Variants in YWHAE observed in about 807,000 individuals in gnomAD.
The protein encoded by YWHAE is tyrosine 3-monooxygenase/tryptophan 5-monooxygenase activation protein epsilon.
YWHAE carries 4 observed loss-of-function variants against 30.1 expected under a neutral mutation model. That is an observed-to-expected ratio of 0.13 (90% CI 0.07 to 0.30). The LOEUF (loss-of-function observed/expected upper bound fraction) is 0.30. Among genes scored for constraint, YWHAE ranks in the 10% least tolerant of loss-of-function variants. YWHAE has a pLI of 1.00. For missense variants in YWHAE, 121 were observed against 315.9 expected (o/e 0.38, Z 4.68); for synonymous variants, 118 against 111.8 (o/e 1.06, Z -0.35).
intron 1 of YWHAE, among the ~76,000 whole-genome samples, chr17:1,377,529 G>A (rs1052957687): frequency 8.5e-5 from 13 of 152,096 alleles, no homozygotes; most frequent in African/African-American, 2.4e-4. Flanking sequence ...CAGGAAGATC[G>A]CTTGAGCCCA....
At chr17:1,354,972 T>TTTTG (rs71148472) in intron 4 of YWHAE, among the ~76,000 whole-genome samples, 1,192 of 63,374 alleles carry the variant, frequency 0.019, 14 homozygotes, top group Non-Finnish European at 0.025. Flanking sequence ...TAGTTTTTTT[T>TTTTG]TTTTTTTTTT....
At chr17:1,350,767 T>TA (rs139181426) in intron 5 of YWHAE, among the ~76,000 whole-genome samples, 45 of 148,646 alleles carry the variant, frequency 3.0e-4, no homozygotes, top group African/African-American at 7.1e-4. Flanking sequence ...ATAATAATAA[T>TA]AAAAAAAAAT....
chr17:1,382,615 C>T (rs1043079947), intron 1 of YWHAE, among the ~76,000 whole-genome samples: 7 of 152,086 alleles, frequency 4.6e-5, no homozygotes, highest in Non-Finnish European at 1.0e-4. Context: ...CCGCCTCGGC[C>T]TCCCAAAGTG....
At position 1,361,890 on chromosome 17, in the gene YWHAE, T is replaced by C. The variant is rs373673602; in HGVS notation, c.371+12A>G. On this transcript the variant is annotated intron_variant, in intron 3 of 5. Coordinates refer to ENST00000264335, the MANE Select transcript of YWHAE (RefSeq NM_006761.5). ...TTCAATCTTACATTTTCCCTTCTAG[T>C]ATAGAACCTACATTTTATAATAGAA... 10 of 1,566,060 alleles carry C rather than the reference T, an allele frequency of 6.4e-6. No individual in the cohort carries two copies. The African/African-American group carries it at 1.1e-4, about 17-fold the overall frequency.
intron 4 of YWHAE, 54 bp downstream of exon 4, chr17:1,361,038 C>T: frequency 2.0e-6 from 3 of 1,535,710 alleles, no homozygotes; most frequent in South Asian, 1.1e-5. Flanking sequence ...AAAACCCAAA[C>T]AGCGCCCCCC....
intron 1 of YWHAE, among the ~76,000 whole-genome samples, chr17:1,397,210 C>A (rs550837120): frequency 4.6e-5 from 7 of 152,322 alleles, no homozygotes; most frequent in African/African-American, 1.7e-4. Flanking sequence ...TTCTTCCCCA[C>A]TTTCTTGTAC....
chr17:1,357,862 G>T (rs999832510), intron 4 of YWHAE, among the ~76,000 whole-genome samples: 9 of 151,630 alleles, frequency 5.9e-5, no homozygotes, highest in Admixed American at 5.9e-4. Flanking sequence ...GGGAGGCAGA[G>T]GTTGCAGTGA....
rs777053382 is a variant in YWHAE at position 1,400,126 on chromosome 17, G to A, written c.-16C>T. 5.3e-5 allele frequency: 85 copies of A among 1,613,966 alleles called. 1 individual carries two copies. The South Asian group carries it at 7.6e-4, about 14-fold the overall frequency. On this transcript the variant is annotated 5_prime_UTR_variant, in exon 1 of 6. Transcript: ENST00000264335. ...GATCATCCATAGCGGCAGCGGCTCC[G>A]GCAGGGTCTGCGCGACGGATGGAAG...
intron 1 of YWHAE, among the ~76,000 whole-genome samples, chr17:1,370,378 G>A (rs868174098): frequency 4.5e-4 from 69 of 151,848 alleles, no homozygotes; most frequent in East Asian, 2.5e-3. Flanking sequence ...TGATCCGCCC[G>A]CCTTGGCCTC....
intron 1 of YWHAE, among the ~76,000 whole-genome samples, chr17:1,374,573 T>A (rs1020440718): frequency 4.6e-5 from 7 of 152,142 alleles, no homozygotes; most frequent in African/African-American, 1.7e-4. Flanking sequence ...GATTCTAATC[T>A]GGCCACGTCC....
chr17:1,350,307 A>G (rs906771226), intron 5 of YWHAE, among the ~76,000 whole-genome samples: 3 of 152,180 alleles, frequency 2.0e-5, no homozygotes, highest in African/African-American at 7.2e-5. Flanking sequence ...ACAACCAAGA[A>G]TAAGGATTAT....
chr17:1,346,572 C>A (rs1344148416), intron 5 of YWHAE, among the ~76,000 whole-genome samples: 4 of 152,194 alleles, frequency 2.6e-5, no homozygotes, highest in African/African-American at 4.8e-5. Flanking sequence ...TGACAAATGT[C>A]ACAGCATCAA....
At chr17:1,347,441 C>G (rs1301375187) in intron 5 of YWHAE, among the ~76,000 whole-genome samples, 1 of 151,802 alleles carries the variant, frequency 6.6e-6, no homozygotes, top group African/African-American at 2.4e-5. Flanking sequence ...CTTTGAACGC[C>G]ACTGCACTCC....
intron 1 of YWHAE, among the ~76,000 whole-genome samples, chr17:1,367,251 G>A (rs1238511439): frequency 6.6e-6 from 1 of 152,100 alleles, no homozygotes; most frequent in Non-Finnish European, 1.5e-5. Flanking sequence ...GCATCCAGAG[G>A]GGAAATGTAT....
intron 1 of YWHAE, 116 bp downstream of exon 1, chr17:1,399,931 C>T (rs1381391622): frequency 7.5e-7 from 1 of 1,334,160 alleles, no homozygotes; most frequent in Non-Finnish European, 1.1e-6. Context: ...TTCCCGAACC[C>T]AAGCCCCCGG....
Position 1,400,216 on chromosome 17 carries a change from T to G in YWHAE, c.-106A>C. ...TCCGGGCAGCAAAAATGGCGGCGCC[T>G]CAATCCGGGACTTCCGCCTGCGCAC... On this transcript the variant is annotated 5_prime_UTR_variant, in exon 1 of 6. Transcript: ENST00000264335. 1.5e-6 allele frequency: 2 copies of G among 1,340,218 alleles called. No homozygotes were observed. The highest frequency in any genetic ancestry group is 2.1e-6 in the Non-Finnish European group (2 of 943,534). 83.0% of individuals were successfully genotyped at this position (1,340,218 alleles called of 1,614,324 possible).
intron 1 of YWHAE, among the ~76,000 whole-genome samples, chr17:1,367,294 A>C (rs1460248555): frequency 6.6e-6 from 1 of 152,208 alleles, no homozygotes; most frequent in Non-Finnish European, 1.5e-5. Flanking sequence ...GTAAGATGGG[A>C]TACCACTCAA....
At chr17:1,378,304 C>T (rs562982612) in intron 1 of YWHAE, among the ~76,000 whole-genome samples, 2 of 152,194 alleles carry the variant, frequency 1.3e-5, no homozygotes, top group Non-Finnish European at 2.9e-5. Flanking sequence ...AATTGTGTGG[C>T]TTTCAAATAA....
chr17:1,347,897 G>A (rs545809264), intron 5 of YWHAE: 323 of 894,956 alleles, frequency 3.6e-4, no homozygotes, highest in Middle Eastern at 2.7e-3. Flanking sequence ...ACGATCATAC[G>A]CAGGCATGAT....
Sources: allele counts gnomAD v4.1 joint callset (sites outside exome capture counted in the v4.1 genomes callset), GRCh38; gene constraint gnomAD v4.1.1; transcripts MANE v1.5; gene names NCBI Gene and HGNC (gene_info 2026-07-23, HGNC 2026-07-21).